The following RBFOX1 variants were observed in gnomAD, a reference collection of about 807,000 sequenced individuals.
RBFOX1 encodes the protein RNA binding protein fox-1 homolog 1.
RBFOX1 carries 8 observed loss-of-function variants against 57.7 expected under a neutral mutation model. The ratio of observed to expected loss-of-function variants is 0.14; its 90% CI spans 0.08 to 0.25. RBFOX1 has a LOEUF of 0.25. Ranked by LOEUF, RBFOX1 falls within the 10% of genes least tolerant of loss-of-function variation. The probability of loss-of-function intolerance (pLI) is 1.00; values close to 1 mark genes in which losing one functional copy is unlikely to be tolerated. For missense variants in RBFOX1, 611 were observed against 548.5 expected (o/e 1.11, Z -1.14); for synonymous variants, 326 against 222.4 (o/e 1.47, Z -4.15).
intron 3 of RBFOX1, among the ~76,000 whole-genome samples, chr16:5,761,421 C>G (rs926314294): frequency 6.6e-5 from 10 of 152,140 alleles, no homozygotes; most frequent in African/African-American, 1.9e-4. Flanking sequence ...TCTCTTTCTG[C>G]TAATAAAGAC....
chr16:7,109,308 C>T lies in RBFOX1; in HGVS notation c.27+57210C>T, dbSNP rs150844061. Among the ~76,000 whole-genome samples the T allele has an allele frequency of 8.0e-4, 122 of 152,266 alleles. 2 individuals carry two copies. The highest frequency in any genetic ancestry group is 6.5e-3 in the Admixed American group (100 of 15,294). ...CTATTCTGTCCCCCTTCTCCCTTGA[C>T]CATGCCGTGAAACAAAGAGAAAATG... On this transcript the variant is annotated intron_variant, in intron 4 of 15. Transcript: ENST00000550418.
chr16:5,749,947 T>G (rs1430271075), intron 3 of RBFOX1, among the ~76,000 whole-genome samples: 1 of 152,170 alleles, frequency 6.6e-6, no homozygotes, highest in Non-Finnish European at 1.5e-5. Context: ...GTACTCTGAT[T>G]TTTAGAATTT....
At chr16:5,362,778 A>C (rs1030711710) in intron 1 of RBFOX1, among the ~76,000 whole-genome samples, 1 of 152,106 alleles carries the variant, frequency 6.6e-6, no homozygotes, top group African/African-American at 2.4e-5. Flanking sequence ...GTCATCCTGT[A>C]AGTGGAATCA....
chr16:7,638,714 C>T (rs556971275), intron 11 of RBFOX1, among the ~76,000 whole-genome samples: 1 of 152,328 alleles, frequency 6.6e-6, no homozygotes, highest in South Asian at 2.1e-4. Context: ...TAGCCATAGA[C>T]TACTGTACAT....
chr16:5,363,506 T>C (rs1344152785), intron 1 of RBFOX1, among the ~76,000 whole-genome samples: 1 of 152,220 alleles, frequency 6.6e-6, no homozygotes, highest in African/African-American at 2.4e-5. Context: ...TCCCATGGGC[T>C]TCAGGACTTC....
At chr16:5,347,316 C>T (rs796150626) in intron 1 of RBFOX1, among the ~76,000 whole-genome samples, 5 of 152,274 alleles carry the variant, frequency 3.3e-5, no homozygotes, top group African/African-American at 1.2e-4. Flanking sequence ...GTCTTACATA[C>T]AGTCGTTGCT....
chr16:7,290,777 C>G (rs761839971), intron 4 of RBFOX1, among the ~76,000 whole-genome samples: 2 of 152,144 alleles, frequency 1.3e-5, no homozygotes, highest in Non-Finnish European at 2.9e-5. Flanking sequence ...AGAAAATAGA[C>G]AAGGAACTCA....
At chr16:6,431,937 C>CTT in intron 2 of RBFOX1, among the ~76,000 whole-genome samples, 1 of 150,466 alleles carries the variant, frequency 6.6e-6, no homozygotes, top group Admixed American at 6.7e-5. Flanking sequence ...TTCTTTCTTT[C>CTT]TTTCTTTCTT....
At chr16:6,633,456 A>T (rs1188467981) in intron 2 of RBFOX1, among the ~76,000 whole-genome samples, 2 of 151,692 alleles carry the variant, frequency 1.3e-5, no homozygotes, top group South Asian at 2.1e-4. Context: ...TTTTGCATTT[A>T]TTATTATTAT....
chr16:5,590,387 T>G (rs1255154059), intron 2 of RBFOX1, among the ~76,000 whole-genome samples: 1 of 152,192 alleles, frequency 6.6e-6, no homozygotes, highest in African/African-American at 2.4e-5. Context: ...ATCTGACATT[T>G]ACACAGAATT....
At chr16:6,145,749 A>G (rs1344536873) in intron 1 of RBFOX1, among the ~76,000 whole-genome samples, 1 of 152,226 alleles carries the variant, frequency 6.6e-6, no homozygotes, top group Admixed American at 6.5e-5. Flanking sequence ...GAGAAAAGCC[A>G]GTAGTATATT....
intron 4 of RBFOX1, among the ~76,000 whole-genome samples, chr16:7,289,613 T>C (rs2095721348): frequency 6.6e-6 from 1 of 152,128 alleles, no homozygotes; most frequent in African/African-American, 2.4e-5. Flanking sequence ...ATCATAGTCA[T>C]CACCATCATC....
chr16:5,855,847 C>T lies in RBFOX1; in HGVS notation c.319-11456C>T, dbSNP rs561133194. 2.7e-4 allele frequency among the ~76,000 whole-genome samples: 41 copies of T among 151,646 alleles called. No individual in the cohort carries two copies. In the South Asian group the frequency reaches 6.2e-3, roughly 23 times the overall value. ...TTTAACAATATTTATTAATCCTATC[C>T]GTGAATATCGGATGTCTTTGCATTT... On this transcript the variant is annotated intron_variant, in intron 3 of 19. Coordinates refer to the RBFOX1 transcript ENST00000641259.
chr16:5,623,591 C>G (rs1030762486), intron 3 of RBFOX1, among the ~76,000 whole-genome samples: 2 of 149,778 alleles, frequency 1.3e-5, no homozygotes, highest in Admixed American at 6.6e-5. Context: ...CTTAAAGCCT[C>G]TGATAAATTC....
intron 5 of RBFOX1, among the ~76,000 whole-genome samples, chr16:7,568,169 T>C (rs1200584237): frequency 6.6e-6 from 1 of 152,038 alleles, no homozygotes; most frequent in East Asian, 1.9e-4. Flanking sequence ...ATAAGTTTAT[T>C]AGAGAAGTAA....
intron 1 of RBFOX1, among the ~76,000 whole-genome samples, chr16:6,244,574 G>A (rs1189999075): frequency 6.6e-6 from 1 of 152,168 alleles, no homozygotes; most frequent in African/African-American, 2.4e-5. Flanking sequence ...TGCGATCTCA[G>A]CTCACTGCAA....
At chr16:6,433,974 A>T (rs765302757) in intron 2 of RBFOX1, among the ~76,000 whole-genome samples, 1 of 151,534 alleles carries the variant, frequency 6.6e-6, no homozygotes, top group Non-Finnish European at 1.5e-5. Flanking sequence ...CATCCTCCCA[A>T]GTAGCTGGGA....
At chr16:7,259,426 G>A (rs2153059240) in intron 4 of RBFOX1, among the ~76,000 whole-genome samples, 1 of 151,888 alleles carries the variant, frequency 6.6e-6, no homozygotes, top group Non-Finnish European at 1.5e-5. Flanking sequence ...TTTAATGAGT[G>A]AGACCCCTGT....
intron 3 of RBFOX1, among the ~76,000 whole-genome samples, chr16:5,676,366 T>C (rs2050169427): frequency 6.6e-6 from 1 of 152,198 alleles, no homozygotes; most frequent in African/African-American, 2.4e-5. Flanking sequence ...ACATTTATTG[T>C]GTAGCTGCCC....
Sources: gnomAD v4.1 joint callset for allele counts (sites outside exome capture counted in the v4.1 genomes callset) on GRCh38, gnomAD v4.1.1 for gene constraint, MANE v1.5 for transcripts, NCBI Gene and HGNC (gene_info 2026-07-23, HGNC 2026-07-21) for gene names.